The following DOT1L variants were observed in gnomAD, a reference collection of about 807,000 sequenced individuals.
The protein encoded by DOT1L is DOT1 like histone lysine methyltransferase.
Under a neutral mutation model 153.3 loss-of-function variants are expected in DOT1L, and 33 were observed. The ratio of observed to expected loss-of-function variants is 0.22; its 90% CI spans 0.16 to 0.29. The LOEUF (loss-of-function observed/expected upper bound fraction) is 0.29, where lower values mean the gene tolerates loss of function less well. Ranked by LOEUF, DOT1L falls within the 10% of genes least tolerant of loss-of-function variation. The probability of loss-of-function intolerance (pLI) is 1.00; values close to 1 mark genes in which losing one functional copy is unlikely to be tolerated. For missense variants in DOT1L, 1,847 were observed against 2,119.9 expected, an observed-to-expected ratio of 0.87 and a Z score of 2.53; for synonymous variants, 1,135 against 965.1, an observed-to-expected ratio of 1.18 and a Z score of -3.26.
Position 2,222,186 on chromosome 19 carries a change from TCTC to T in DOT1L, c.3022_3024del (p.Ser1009del), listed in dbSNP as rs1467951905. On this transcript the variant is annotated inframe_deletion, in exon 24 of 28. Coordinates refer to ENST00000398665, the MANE Select transcript of DOT1L (RefSeq NM_032482.3). This position sits in a 1 kb window ranked among gnomAD's most constrained non-coding sequence, Gnocchi z 6.5. Reference sequence around the variant, plus strand: ...CTTCCTGCCTCTCCCGCCCACCAGCTCTCCTCCAGTCCCCGGCTTGGTGGGGCC... The same window carrying T: ...CTTCCTGCCTCTCCCGCCCACCAGCTCTCCAGTCCCCGGCTTGGTGGGGCC... The T allele has an allele frequency of 6.2e-7, 1 of 1,612,810 alleles. No homozygotes were observed. Among genetic ancestry groups the T allele is most frequent in the Non-Finnish European group, 8.5e-7 (1 of 1,179,794 alleles).
intron 22 of DOT1L, among the ~76,000 whole-genome samples, chr19:2,218,495 G>A (rs1005811453): frequency 3.9e-5 from 6 of 151,946 alleles, no homozygotes; most frequent in African/African-American, 9.7e-5. Context: ...CCGGGTTCAC[G>A]CCATTCTCCT....
intron 5 of DOT1L, among the ~76,000 whole-genome samples, chr19:2,192,190 G>A (rs1311889694): frequency 6.6e-6 from 1 of 152,220 alleles, no homozygotes; most frequent in African/African-American, 2.4e-5. Context: ...CCCAGGGGCA[G>A]GGACCAAGAG....
In DOT1L at chr19:2,216,265, A is replaced by G. The variant is rs2023894988; in HGVS notation, c.1924-16A>G. ...CCCCCGGTGGGGCGGGCCTGACACC[A>G]TCTCTCCTCCTGCAGATCAGCATTG... On this transcript the variant is annotated splice_polypyrimidine_tract_variant and intron_variant, in intron 19 of 27. Transcript: ENST00000398665. 4 of 1,552,134 alleles carry G rather than the reference A, an allele frequency of 2.6e-6. No individual in the cohort carries two copies. The highest frequency in any genetic ancestry group is 3.5e-6 in the Non-Finnish European group (4 of 1,143,818).
rs150661755 is a variant in DOT1L at position 2,214,373 on chromosome 19, G to C, written c.1798-98G>C. On this transcript the variant is annotated intron_variant, in intron 18 of 27. Transcript: ENST00000398665. ...GGTCTGTGCCCTAAGCACACATGCT[G>C]TTGGCTGAGGCAGGCCCAGGGAACC... 18 of 1,537,746 alleles carry C rather than the reference G, an allele frequency of 1.2e-5. No homozygotes were observed. The Admixed American group carries it at 3.5e-4, about 30-fold the overall frequency.
Position 2,183,105 on chromosome 19 carries a change from C to T in DOT1L, c.125+2349C>T, listed in dbSNP as rs141546485. Among the ~76,000 whole-genome samples, 24 of 152,276 alleles carry T rather than the reference C, an allele frequency of 1.6e-4. No homozygotes were observed. In the East Asian group the frequency reaches 3.9e-3, roughly 24 times the overall value. Reference sequence around the variant, plus strand: ...GTCTCACTTCCTCTAGAAACACCGACGACGTTCTTACACAGCAAACACCAT... The same window carrying T: ...GTCTCACTTCCTCTAGAAACACCGATGACGTTCTTACACAGCAAACACCAT... On this transcript the variant is annotated intron_variant, in intron 2 of 27. Transcript: ENST00000398665.
Position 2,180,702 on chromosome 19 carries a change from C to T in DOT1L, c.82-11C>T, listed in dbSNP as rs753383233. On this transcript the variant is annotated splice_polypyrimidine_tract_variant and intron_variant, in intron 1 of 27. Coordinates refer to ENST00000398665, the MANE Select transcript of DOT1L (RefSeq NM_032482.3). Reference sequence around the variant, plus strand: ...ATGGCTCTGCGTCTCAAACTTCTCTCTCTGTTTCAGGATAAACATCACGAT... The same window carrying T: ...ATGGCTCTGCGTCTCAAACTTCTCTTTCTGTTTCAGGATAAACATCACGAT... 78 of 1,613,904 alleles carry T rather than the reference C, an allele frequency of 4.8e-5. No individual in the cohort carries two copies. In the Middle Eastern group the frequency reaches 4.9e-4, roughly 10 times the overall value.
rs1370693259 is a variant in DOT1L, at chr19:2,220,368, C to G, written c.2806+146C>G. On this transcript the variant is annotated intron_variant, in intron 23 of 27. Transcript: ENST00000398665. This position sits in a 1 kb window ranked among gnomAD's most constrained non-coding sequence, Gnocchi z 4.5. ...CCAAACCGCCACGCCTCATTACTGACACCCTTTCCTGCATCCCACGAGCTG... is the reference window on the plus strand; with the variant it reads ...CCAAACCGCCACGCCTCATTACTGAGACCCTTTCCTGCATCCCACGAGCTG... The G allele has an allele frequency of 3.7e-6, 3 of 802,382 alleles. No individual in the cohort carries two copies. Among genetic ancestry groups the G allele is most frequent in the Non-Finnish European group, 6.3e-6 (3 of 477,892 alleles). The allele number at this position is 802,382 out of a possible 1,614,324, so 49.7% of individuals were successfully genotyped here. A position where few individuals can be genotyped will look rare whatever the true frequency, so the allele number is the denominator to read the frequency against.
intron 1 of DOT1L, among the ~76,000 whole-genome samples, chr19:2,170,396 T>C (rs2021549062): frequency 6.6e-6 from 1 of 152,170 alleles, no homozygotes; most frequent in African/African-American, 2.4e-5. Flanking sequence ...TGGAGCTGTT[T>C]TTATCTTCCA....
At chr19:2,194,870 G>C (rs548920444) in intron 7 of DOT1L, among the ~76,000 whole-genome samples, 4 of 152,336 alleles carry the variant, frequency 2.6e-5, no homozygotes, top group African/African-American at 9.6e-5. Context: ...TGGAGCGGAG[G>C]CCTGTGGGAC....
At chr19:2,187,856 A>C (rs969126717) in intron 3 of DOT1L, among the ~76,000 whole-genome samples, 2 of 148,568 alleles carry the variant, frequency 1.3e-5, no homozygotes, top group African/African-American at 5.0e-5. Context: ...CGGGAGGCGG[A>C]GCTTGCAGTG....
rs2022492147 is a variant in DOT1L at position 2,186,037 on chromosome 19, T to C, written c.200+108T>C. ...GCTCTTCTTAGATGGTGCAAGCTGA[T>C]CTGAAATTTCCTTTTAGAGTTGGCC... On this transcript the variant is annotated intron_variant, in intron 3 of 27. Coordinates refer to ENST00000398665, the MANE Select transcript of DOT1L (RefSeq NM_032482.3). The C allele has an allele frequency of 7.5e-6, 8 of 1,072,486 alleles. No homozygotes were observed. In the South Asian group the frequency reaches 1.1e-4, roughly 14 times the overall value. 66.4% of individuals were successfully genotyped at this position (1,072,486 alleles called of 1,614,324 possible). A position where few individuals can be genotyped will look rare whatever the true frequency, so the allele number is the denominator to read the frequency against.
chr19:2,221,990 G>A lies in DOT1L; in HGVS notation c.2821G>A (p.Gly941Ser). ...CTTCCCGGCAGGCTTCTCCTACGCT[G>A]GCTCGGTGGCCATCAGCGGGGCCTT... ...ALAPAGFSYA[G>S]SVAISGALAG... Residue 941 changes from glycine to serine, a missense_variant, in exon 24 of 28, where the codon GGC becomes AGC. By Grantham distance (56) the Gly-to-Ser change is moderately conservative. Transcript: ENST00000398665. 6.2e-7 allele frequency: 1 copy of A among 1,608,918 alleles called. No individual in the cohort carries two copies. The highest frequency in any genetic ancestry group is 8.5e-7 in the Non-Finnish European group (1 of 1,177,828).
chr19:2,200,951 T>C (rs1296301301), intron 8 of DOT1L, among the ~76,000 whole-genome samples: 2 of 143,060 alleles, frequency 1.4e-5, no homozygotes, highest in Non-Finnish European at 3.0e-5. Context: ...GCATTCCTCG[T>C]CCTCCCCGCA....
rs1555715371 is a variant in DOT1L at position 2,174,994 on chromosome 19, GTA to G, written c.82-5709_82-5708del. 1.2e-3 allele frequency among the ~76,000 whole-genome samples: 95 copies of G among 80,488 alleles called. No homozygotes were observed. The East Asian group carries it at 0.017, about 14-fold the overall frequency. 52.8% of individuals were successfully genotyped at this position (80,488 alleles called of 152,430 possible). A position where few individuals can be genotyped will look rare whatever the true frequency, so the allele number is the denominator to read the frequency against. Reference sequence around the variant, plus strand: ...TGTGTGTGTGTGTGTGTGTGTGTGTGTATATATATATTTTTTTTTTTTTAGAT... The same window carrying G: ...TGTGTGTGTGTGTGTGTGTGTGTGTGTATATATATTTTTTTTTTTTTAGAT... On this transcript the variant is annotated intron_variant, in intron 1 of 27. Transcript: ENST00000398665.
At chr19:2,227,531 C>A (rs2024403435) in intron 27 of DOT1L, 1 of 566,482 alleles carries the variant, frequency 1.8e-6, no homozygotes, top group South Asian at 1.6e-5. Context: ...GGGGGAGCGG[C>A]CTGGCCCTGG....
In DOT1L at chr19:2,217,689, C is replaced by CTG. The variant is rs2023956161; in HGVS notation, c.2545-83_2545-82insTG. ...GGGGGCCGCCTTGAGAGAGCTGTAG[C>CTG]AGGCCCCCGTCCTGTGGCTGTGGTC... On this transcript the variant is annotated intron_variant, in intron 21 of 27. Coordinates refer to ENST00000398665, the MANE Select transcript of DOT1L (RefSeq NM_032482.3). The surrounding 1 kb of genome is among the most constrained non-coding windows in gnomAD (Gnocchi z 7.3). 6.6e-7 allele frequency: 1 copy of CTG among 1,515,722 alleles called. No individual in the cohort carries two copies. The highest frequency in any genetic ancestry group is 2.5e-5 in the East Asian group (1 of 40,576). 93.9% of individuals were successfully genotyped at this position (1,515,722 alleles called of 1,614,324 possible). A position where few individuals can be genotyped will look rare whatever the true frequency, so the allele number is the denominator to read the frequency against.
rs1401285221 is a variant in DOT1L, at chr19:2,222,582, C to T, written c.3390+23C>T. 1.3e-6 allele frequency: 2 copies of T among 1,515,426 alleles called. No individual in the cohort carries two copies. The highest frequency in any genetic ancestry group is 1.8e-6 in the Non-Finnish European group (2 of 1,136,098). 93.9% of individuals were successfully genotyped at this position (1,515,426 alleles called of 1,614,324 possible). ...ATGGTAAGGATGGGGACCGGCAGGG[C>T]TGGGGAGCGCGGCCTGTGAAAGAAA... On this transcript the variant is annotated intron_variant, in intron 24 of 27. Transcript: ENST00000398665. This position sits in a 1 kb window ranked among gnomAD's most constrained non-coding sequence, Gnocchi z 6.5.
At chr19:2,184,457 G>A (rs536908298) in intron 2 of DOT1L, among the ~76,000 whole-genome samples, 2 of 152,174 alleles carry the variant, frequency 1.3e-5, no homozygotes, top group Admixed American at 6.6e-5. Flanking sequence ...GGGACTTGGC[G>A]TGGGGTAGGG....
At chr19:2,169,812 C>T (rs960405380) in intron 1 of DOT1L, among the ~76,000 whole-genome samples, 1 of 152,132 alleles carries the variant, frequency 6.6e-6, no homozygotes, top group Non-Finnish European at 1.5e-5. Flanking sequence ...TTTCCTTTAG[C>T]TCGACAGTGT....
Sources: gnomAD v4.1 joint callset for allele counts (sites outside exome capture counted in the v4.1 genomes callset) on GRCh38, gnomAD v4.1.1 for gene constraint, Gnocchi (gnomAD v3.1) non-coding constraint, MANE v1.5 for transcripts, NCBI Gene and HGNC (gene_info 2026-07-23, HGNC 2026-07-21) for gene names.